SAMD5: variants seen among roughly 807,000 people sequenced by gnomAD.
SAMD5 encodes the protein sterile alpha motif domain-containing protein 5.
Under a neutral mutation model 11.3 loss-of-function variants are expected in SAMD5, and 13 were observed. The observed-to-expected ratio is 1.15, with a 90% CI of 0.75 to 1.83. The LOEUF (loss-of-function observed/expected upper bound fraction) is 1.83, where lower values mean the gene tolerates loss of function less well. Among genes scored for constraint, SAMD5 ranks in the 40% most tolerant of loss-of-function variants. The pLI, the probability that SAMD5 is intolerant of heterozygous loss-of-function variation, is 0.00. For synonymous variants in SAMD5, 129 were observed against 111.3 expected (o/e 1.16, Z -1.00); for missense variants, 255 against 239.1 (o/e 1.07, Z -0.44).
intron 1 of SAMD5, among the ~76,000 whole-genome samples, chr6:147,615,555 A>G (rs543818226): frequency 1.3e-5 from 2 of 152,352 alleles, no homozygotes; most frequent in Non-Finnish European, 2.9e-5. Context: ...TTAAGATATT[A>G]CTTATTTTGA....
chr6:147,880,116 T>C, the SAMD5 span, among the ~76,000 whole-genome samples: 2 of 152,330 alleles, frequency 1.3e-5, no homozygotes, highest in East Asian at 3.9e-4. Context: ...CTGTGAAATA[T>C]GAGAGAAGAA....
At chr6:147,686,927 G>A (rs184958284) in intron 1 of SAMD5, among the ~76,000 whole-genome samples, 9 of 152,030 alleles carry the variant, frequency 5.9e-5, no homozygotes, top group South Asian at 4.2e-4. Flanking sequence ...TACATGTGCC[G>A]AACGTGCAGT....
the SAMD5 span, among the ~76,000 whole-genome samples, chr6:147,900,923 A>G: frequency 6.6e-6 from 1 of 152,212 alleles, no homozygotes; most frequent in East Asian, 1.9e-4. Flanking sequence ...TTTTAGAATC[A>G]CAAAAAAATT....
chr6:147,572,603 T>A (rs1789153380), downstream of SAMD5, among the ~76,000 whole-genome samples: 4 of 152,236 alleles, frequency 2.6e-5, no homozygotes, highest in Middle Eastern at 6.8e-3. Context: ...AGACTCCCAA[T>A]GTTGCACTAT....
At chr6:147,845,943 C>T in the SAMD5 span, among the ~76,000 whole-genome samples, 4 of 152,118 alleles carry the variant, frequency 2.6e-5, no homozygotes, top group Non-Finnish European at 4.4e-5. Flanking sequence ...AGAAACTTTA[C>T]TTGCAATTGC....
At chr6:147,842,283 C>T in the SAMD5 span, among the ~76,000 whole-genome samples, 1 of 151,948 alleles carries the variant, frequency 6.6e-6, no homozygotes, top group South Asian at 2.1e-4. Context: ...GCTTTCTCTC[C>T]AAAGTGAAAA....
At chr6:147,780,615 A>G in the SAMD5 span, among the ~76,000 whole-genome samples, 1 of 152,238 alleles carries the variant, frequency 6.6e-6, no homozygotes, top group African/African-American at 2.4e-5. Context: ...TTGACTCAGT[A>G]ATGTTTGAGG....
chr6:147,892,211 GGCATT>G, the SAMD5 span, among the ~76,000 whole-genome samples: 1 of 152,130 alleles, frequency 6.6e-6, no homozygotes, highest in African/African-American at 2.4e-5. Flanking sequence ...TACTGTGTCA[GGCATT>G]GCTGTAGTGG....
At chr6:147,908,823 A>AC in the SAMD5 span, among the ~76,000 whole-genome samples, 2 of 152,172 alleles carry the variant, frequency 1.3e-5, no homozygotes, top group Non-Finnish European at 2.9e-5. Flanking sequence ...AGGTTTCTGT[A>AC]ATGACTGCCT....
the SAMD5 span, among the ~76,000 whole-genome samples, chr6:147,895,553 G>A: frequency 6.6e-6 from 1 of 152,182 alleles, no homozygotes; most frequent in African/African-American, 2.4e-5. Flanking sequence ...AGCATCGCAG[G>A]TGGCATCCAC....
At chr6:147,715,754 G>A (rs562391452) in intron 1 of SAMD5, among the ~76,000 whole-genome samples, 1 of 152,336 alleles carries the variant, frequency 6.6e-6, no homozygotes, top group East Asian at 1.9e-4. Flanking sequence ...GAACAGCTCA[G>A]AGGAGACCCA....
At chr6:147,908,303 C>G in the SAMD5 span, among the ~76,000 whole-genome samples, 20 of 152,128 alleles carry the variant, frequency 1.3e-4, no homozygotes, top group Admixed American at 1.3e-3. Context: ...TGTGCTGAGG[C>G]TGGCAAAGGT....
chr6:147,819,262 G>A, the SAMD5 span, among the ~76,000 whole-genome samples: 5 of 152,106 alleles, frequency 3.3e-5, no homozygotes, highest in African/African-American at 1.2e-4. Context: ...TCAGTTATAA[G>A]TGGAGCTAAA....
the SAMD5 span, among the ~76,000 whole-genome samples, chr6:147,926,343 A>G: frequency 7.9e-3 from 1,203 of 152,170 alleles, 12 homozygotes; most frequent in African/African-American, 0.028. Context: ...CCTCACCAGC[A>G]TCTGTTATTT....
At chr6:147,629,323 T>TA (rs978708578) in intron 1 of SAMD5, among the ~76,000 whole-genome samples, 3 of 54,162 alleles carry the variant, frequency 5.5e-5, no homozygotes, top group South Asian at 7.7e-4. Context: ...AAAATAATAA[T>TA]AAAAAAAATC....
the SAMD5 span, among the ~76,000 whole-genome samples, chr6:147,936,840 T>C: frequency 1.3e-5 from 2 of 152,158 alleles, no homozygotes; most frequent in African/African-American, 2.4e-5. Context: ...AAATTTTTCA[T>C]TGAGGAAAAT....
the SAMD5 span, among the ~76,000 whole-genome samples, chr6:147,851,403 A>G: frequency 6.6e-6 from 1 of 152,008 alleles, no homozygotes; most frequent in Non-Finnish European, 1.5e-5. Context: ...CTTAGAACAT[A>G]CCCCCCTCAA....
chr6:147,639,523 T>C (rs977670203), intron 1 of SAMD5, among the ~76,000 whole-genome samples: 1 of 152,202 alleles, frequency 6.6e-6, no homozygotes, highest in Admixed American at 6.5e-5. Context: ...CATCCTCATC[T>C]CAGCGGGCTT....
intron 1 of SAMD5, among the ~76,000 whole-genome samples, chr6:147,593,147 T>G (rs917788457): frequency 6.6e-6 from 1 of 152,160 alleles, no homozygotes; most frequent in Admixed American, 6.5e-5. Context: ...CCAGCACTCA[T>G]GCATTTGCTC....
Sources: gnomAD v4.1 joint callset for allele counts (sites outside exome capture counted in the v4.1 genomes callset) on GRCh38, gnomAD v4.1.1 for gene constraint, MANE v1.5 for transcripts, NCBI Gene and HGNC (gene_info 2026-07-23, HGNC 2026-07-21) for gene names.